Variants in PDE8A observed in about 807,000 individuals in gnomAD.
PDE8A encodes phosphodiesterase 8A.
In PDE8A, 59 loss-of-function variants were observed where a neutral mutation model predicts 105.0. The ratio of observed to expected loss-of-function variants is 0.56; its 90% CI spans 0.46 to 0.70. PDE8A has a LOEUF of 0.70. Among genes scored for constraint, PDE8A ranks in the 30% least tolerant of loss-of-function variants. PDE8A has a pLI of 0.00. For missense variants in PDE8A, 1,014 were observed against 1,045.9 expected (o/e 0.97, Z 0.42); for synonymous variants, 355 against 371.9 (o/e 0.95, Z 0.52).
intron 21 of PDE8A, among the ~76,000 whole-genome samples, chr15:85,137,385 G>A (rs2082427837): frequency 6.6e-6 from 1 of 151,938 alleles, no homozygotes; most frequent in Admixed American, 6.6e-5. Flanking sequence ...TGTGGTGCAG[G>A]TGAAAGGAGA....
At chr15:85,107,377 T>C (rs2081962095) in intron 11 of PDE8A, among the ~76,000 whole-genome samples, 1 of 152,192 alleles carries the variant, frequency 6.6e-6, no homozygotes, top group South Asian at 2.1e-4. Flanking sequence ...AGTGTTTTGA[T>C]TGAGAGATCT....
At chr15:85,088,311 C>T (rs545057918) in intron 6 of PDE8A, among the ~76,000 whole-genome samples, 1 of 152,316 alleles carries the variant, frequency 6.6e-6, no homozygotes, top group South Asian at 2.1e-4. Context: ...GGGCATGAGC[C>T]ACTACCCCCA....
Position 85,089,541 on chromosome 15 carries a change from C to T in PDE8A, c.714+125C>T, listed in dbSNP as rs776872491. On this transcript the variant is annotated intron_variant, in intron 7 of 21. Coordinates refer to ENST00000394553, the MANE Select transcript of PDE8A (RefSeq NM_002605.3). ...AAGTTTAGGAGACCAGTTTTTCCTT[C>T]GAGGATTATCAGAACAAAATCAAAT... 105 of 536,250 alleles carry T rather than the reference C, an allele frequency of 2.0e-4. No homozygotes were observed. In the East Asian group the frequency reaches 2.9e-3, roughly 15 times the overall value. 33.2% of individuals were successfully genotyped at this position (536,250 alleles called of 1,614,324 possible).
At chr15:85,114,139 C>T (rs2082060633) in intron 14 of PDE8A, 102 bp downstream of exon 14, 1 of 1,009,056 alleles carries the variant, frequency 9.9e-7, no homozygotes, top group Non-Finnish European at 1.5e-6. Flanking sequence ...AGGCAGGGCT[C>T]TGTAGGGTTC....
chr15:85,100,168 T>G lies in PDE8A; in HGVS notation c.1006T>G (p.Ser336Ala), dbSNP rs772674000. 6.2e-7 allele frequency: 1 copy of G among 1,613,958 alleles called. No individual in the cohort carries two copies. Among genetic ancestry groups the G allele is most frequent in the South Asian group, 1.1e-5 (1 of 91,078 alleles). Reference sequence around the variant, plus strand: ...AATTCACTTTTAGGCTGAGAAAATATCCGAATGTGTTCAGTCTGACACTCA... The same window carrying G: ...AATTCACTTTTAGGCTGAGAAAATAGCCGAATGTGTTCAGTCTGACACTCA... ...CNGNNKAEKI[S>A]ECVQSDTHTD... is the part of the protein sequence containing the mutation. The change falls in exon 11 of 22, where the codon TCC becomes GCC. Residue 336 changes from serine to alanine, a missense_variant. By Grantham distance (99) the Ser-to-Ala change is moderately conservative. Transcript: ENST00000394553.
intron 6 of PDE8A, among the ~76,000 whole-genome samples, chr15:85,084,399 T>C (rs1462617718): frequency 6.6e-6 from 1 of 152,196 alleles, no homozygotes; most frequent in Non-Finnish European, 1.5e-5. Flanking sequence ...GAGTGTGAGT[T>C]AGCAGAGAAG....
chr15:85,022,961 C>T (rs146557217), intron 1 of PDE8A, among the ~76,000 whole-genome samples: 31 of 152,184 alleles, frequency 2.0e-4, no homozygotes, highest in African/African-American at 6.0e-4. Context: ...GAGAGATTAA[C>T]GATCAAGACA....
In PDE8A at chr15:85,138,195, C is replaced by T. The variant is rs1051615901; in HGVS notation, c.*292C>T. The T allele has an allele frequency of 6.9e-6, 2 of 290,686 alleles. No homozygotes were observed. The highest frequency in any genetic ancestry group is 4.7e-5 in the Admixed American group (1 of 21,242). 18.0% of individuals were successfully genotyped at this position (290,686 alleles called of 1,614,324 possible). ...GGTAAAACACAAGGTCTGGAGTGCC[C>T]CTGCAAAGGGTATTGATGGACTTCC... On this transcript the variant is annotated 3_prime_UTR_variant, in exon 22 of 22. Transcript: ENST00000394553.
chr15:85,031,820 G>C (rs913083975), intron 1 of PDE8A, among the ~76,000 whole-genome samples: 5 of 152,100 alleles, frequency 3.3e-5, no homozygotes, highest in African/African-American at 1.2e-4. Context: ...GCTGATTACT[G>C]GCTGCCTCTA....
At chr15:85,029,637 A>G (rs201842385) in intron 1 of PDE8A, among the ~76,000 whole-genome samples, 1 of 152,114 alleles carries the variant, frequency 6.6e-6, no homozygotes, top group African/African-American at 2.4e-5. Flanking sequence ...AGAAAATGCA[A>G]TGGTAACACA....
intron 1 of PDE8A, among the ~76,000 whole-genome samples, chr15:85,056,972 C>T (rs1268427124): frequency 1.3e-5 from 2 of 152,172 alleles, no homozygotes; most frequent in Non-Finnish European, 2.9e-5. Context: ...GTCTTTGATG[C>T]TGGTGACCTA....
At chr15:85,114,599 A>G (rs2082067295) in intron 14 of PDE8A, among the ~76,000 whole-genome samples, 1 of 146,302 alleles carries the variant, frequency 6.8e-6, no homozygotes, top group Admixed American at 6.8e-5. Context: ...GAGAGGGACA[A>G]CTTTGTGCAG....
chr15:85,040,339 G>A (rs1196933056), intron 1 of PDE8A, among the ~76,000 whole-genome samples: 1 of 141,082 alleles, frequency 7.1e-6, no homozygotes, highest in Non-Finnish European at 1.5e-5. Context: ...ATTACGGCGT[G>A]AGCCACCATG....
upstream of PDE8A, chr15:84,981,839 C>G (rs899458890): frequency 2.3e-5 from 4 of 176,824 alleles, no homozygotes; most frequent in African/African-American, 7.1e-5. Context: ...ATCTCCTCCC[C>G]CTATTTCCCC....
chr15:85,081,853 G>A (rs552063318), intron 5 of PDE8A, among the ~76,000 whole-genome samples: 139 of 152,270 alleles, frequency 9.1e-4, no homozygotes, highest in African/African-American at 3.3e-3. Context: ...GGGTAAAAAA[G>A]TTTGGTGGAT....
chr15:85,078,856 C>A (rs1442735556), intron 5 of PDE8A, among the ~76,000 whole-genome samples: 2 of 152,116 alleles, frequency 1.3e-5, no homozygotes, highest in African/African-American at 2.4e-5. Flanking sequence ...TGAGAGGATA[C>A]AGGGAGAAAG....
At chr15:85,021,387 T>G (rs1484137131) in intron 1 of PDE8A, among the ~76,000 whole-genome samples, 1 of 151,728 alleles carries the variant, frequency 6.6e-6, no homozygotes, top group African/African-American at 2.4e-5. Context: ...AAAGACAAAT[T>G]AAAAATTTAG....
At chr15:85,102,523 T>A (rs2081879974) in intron 11 of PDE8A, among the ~76,000 whole-genome samples, 2 of 83,132 alleles carry the variant, frequency 2.4e-5, no homozygotes, top group African/African-American at 7.0e-5. Flanking sequence ...GTTGTAAGCA[T>A]TTTTTTTTTT....
Position 85,126,298 on chromosome 15 carries a change from A to T in PDE8A, c.2177A>T (p.Asp726Val). ...AAACGAATGCTGATTAAATGTGCTG[A>T]TGTGTCCAATCCCTGCCGACCCCTG... is the stretch of plus-strand genomic sequence containing the variant. ...LIKRMLIKCA[D>V]VSNPCRPLQY... The change falls in exon 20 of 22, where the codon GAT becomes GTT. Residue 726 changes from aspartate to valine, a missense_variant. By Grantham distance (152) the Asp-to-Val change is radical. Transcript: ENST00000394553. 6.2e-7 allele frequency: 1 copy of T among 1,613,274 alleles called. No homozygotes were observed. Among genetic ancestry groups the T allele is most frequent in the Non-Finnish European group, 8.5e-7 (1 of 1,179,668 alleles).
Sources: gnomAD v4.1 joint callset for allele counts (sites outside exome capture counted in the v4.1 genomes callset) on GRCh38, gnomAD v4.1.1 for gene constraint, MANE v1.5 for transcripts, NCBI Gene and HGNC (gene_info 2026-07-23, HGNC 2026-07-21) for gene names.